UNC5D: variants seen among roughly 807,000 people sequenced by gnomAD.
UNC5D encodes netrin receptor UNC5D.
In UNC5D, 39 loss-of-function variants were observed where a neutral mutation model predicts 105.4. The ratio of observed to expected loss-of-function variants is 0.37; its 90% CI spans 0.29 to 0.48. The LOEUF is 0.48. Among genes scored for constraint, UNC5D ranks in the 20% least tolerant of loss-of-function variants. UNC5D has a pLI of 0.98. For missense variants in UNC5D, 991 were observed against 1,202.4 expected, an observed-to-expected ratio of 0.82 and a Z score of 2.60; for synonymous variants, 452 against 450.4, an observed-to-expected ratio of 1.00 and a Z score of -0.04.
At chr8:35,396,800 A>C (rs532406133) in intron 1 of UNC5D, among the ~76,000 whole-genome samples, 3 of 148,656 alleles carry the variant, frequency 2.0e-5, no homozygotes, top group Non-Finnish European at 4.4e-5. Flanking sequence ...ACCTGGTCCC[A>C]AGGTGGCTTT....
intron 8 of UNC5D, among the ~76,000 whole-genome samples, chr8:35,712,570 A>G (rs1468438009): frequency 6.6e-6 from 1 of 152,232 alleles, no homozygotes; most frequent in African/African-American, 2.4e-5. Flanking sequence ...TCTGAAAAGT[A>G]GGTATGCTCT....
At chr8:35,514,114 T>G (rs1812958530) in intron 1 of UNC5D, among the ~76,000 whole-genome samples, 1 of 152,208 alleles carries the variant, frequency 6.6e-6, no homozygotes, top group Non-Finnish European at 1.5e-5. Flanking sequence ...GCAGAACCCT[T>G]CTACCTGGCG....
intron 8 of UNC5D, among the ~76,000 whole-genome samples, chr8:35,719,580 T>A (rs1828461487): frequency 6.6e-6 from 1 of 152,184 alleles, no homozygotes; most frequent in African/African-American, 2.4e-5. Context: ...CCAGATCTCA[T>A]CACTACCTTG....
chr8:35,486,190 T>C (rs1810810824), intron 1 of UNC5D, among the ~76,000 whole-genome samples: 1 of 152,222 alleles, frequency 6.6e-6, no homozygotes, highest in African/African-American at 2.4e-5. Flanking sequence ...CTAATTAGCA[T>C]GAGTAGATAT....
intron 3 of UNC5D, among the ~76,000 whole-genome samples, chr8:35,587,723 T>A (rs985131548): frequency 1.3e-5 from 2 of 152,010 alleles, no homozygotes; most frequent in African/African-American, 4.8e-5. Context: ...AAACAAGATG[T>A]ACTTCTCTTC....
chr8:35,291,445 C>A (rs764527853), intron 1 of UNC5D, among the ~76,000 whole-genome samples: 3 of 152,210 alleles, frequency 2.0e-5, no homozygotes, highest in Admixed American at 2.0e-4. Context: ...CACATGACAT[C>A]CTTGGTGTCT....
intron 1 of UNC5D, among the ~76,000 whole-genome samples, chr8:35,521,597 G>T (rs180758947): frequency 1.6e-3 from 238 of 152,244 alleles, no homozygotes; most frequent in African/African-American, 5.6e-3. Context: ...AGGCCTCTAG[G>T]CTTCTGCCTT....
chr8:35,540,758 A>C (rs1487871049), intron 1 of UNC5D, among the ~76,000 whole-genome samples: 1 of 152,194 alleles, frequency 6.6e-6, no homozygotes, highest in African/African-American at 2.4e-5. Flanking sequence ...TTTTGGAGAC[A>C]ACTTAAGTGA....
At chr8:35,340,385 C>G (rs1811375682) in intron 1 of UNC5D, among the ~76,000 whole-genome samples, 4 of 152,122 alleles carry the variant, frequency 2.6e-5, no homozygotes, top group Admixed American at 1.3e-4. Flanking sequence ...GCACATGGCT[C>G]TATGTGGACC....
At chr8:35,454,007 C>T (rs1808330358) in intron 1 of UNC5D, among the ~76,000 whole-genome samples, 1 of 152,108 alleles carries the variant, frequency 6.6e-6, no homozygotes, top group African/African-American at 2.4e-5. Context: ...AATATTAATA[C>T]AAGACTTGTT....
At chr8:35,289,166 G>T (rs899637555) in intron 1 of UNC5D, among the ~76,000 whole-genome samples, 4 of 152,094 alleles carry the variant, frequency 2.6e-5, no homozygotes, top group Non-Finnish European at 4.4e-5. Context: ...ATGGAAAATG[G>T]TATTCCATGC....
chr8:35,439,038 T>C (rs1807223070), intron 1 of UNC5D, among the ~76,000 whole-genome samples: 1 of 151,978 alleles, frequency 6.6e-6, no homozygotes, highest in Non-Finnish European at 1.5e-5. Flanking sequence ...TTGATTTTTT[T>C]TTTTCTAAGC....
intron 1 of UNC5D, among the ~76,000 whole-genome samples, chr8:35,240,186 G>A (rs549639186): frequency 6.6e-6 from 1 of 152,252 alleles, no homozygotes; most frequent in African/African-American, 2.4e-5. Flanking sequence ...CTGGGCTCAG[G>A]TGATCCTTCT....
intron 2 of UNC5D, among the ~76,000 whole-genome samples, chr8:35,562,477 A>G (rs890333826): frequency 1.3e-5 from 2 of 152,108 alleles, no homozygotes; most frequent in East Asian, 3.9e-4. Context: ...CTCTGTCTCC[A>G]CATTCTCTCT....
chr8:35,237,696 C>A (rs953388951), intron 1 of UNC5D, among the ~76,000 whole-genome samples: 1 of 152,166 alleles, frequency 6.6e-6, no homozygotes, highest in African/African-American at 2.4e-5. Context: ...TTGCACAGAT[C>A]ATAGTAATAT....
intron 15 of UNC5D, among the ~76,000 whole-genome samples, chr8:35,773,664 A>G (rs1802103923): frequency 6.6e-6 from 1 of 152,128 alleles, no homozygotes; most frequent in South Asian, 2.1e-4. Flanking sequence ...GCTATGCCTG[A>G]GAGCAAAAAC....
intron 4 of UNC5D, among the ~76,000 whole-genome samples, chr8:35,650,737 G>A (rs1194034967): frequency 6.6e-6 from 1 of 152,164 alleles, no homozygotes; most frequent in African/African-American, 2.4e-5. Context: ...CTCCCAAAGT[G>A]CTGGGATTAT....
rs538066949 is a variant in UNC5D at position 35,403,850 on chromosome 8, G to A, written c.104-145442G>A. Among the ~76,000 whole-genome samples, 144 of 152,230 alleles carry A rather than the reference G, an allele frequency of 9.5e-4. 1 individual carries two copies. The highest frequency in any genetic ancestry group is 6.8e-3 in the Middle Eastern group (2 of 294). On this transcript the variant is annotated intron_variant, in intron 1 of 16. Transcript: ENST00000404895. ...AGCTAAATTCAGATAGTCACTCCTG[G>A]AGGAGCAAAATCTGCTGTCTCCTGG... is the stretch of plus-strand genomic sequence containing the variant.
rs201456969 is a variant in UNC5D, at chr8:35,568,250, A to G, written c.466+9A>G. The stretch of plus-strand genomic sequence containing the variant: ...CTCTGTGCGCATAGCCTGTAAGTAC[A>G]TTCTGGGTGACCTTGTCTTGTAGGA... On this transcript the variant is annotated intron_variant, in intron 3 of 16. Coordinates refer to ENST00000404895, the MANE Select transcript of UNC5D (RefSeq NM_080872.4). 3.2e-4 allele frequency: 523 copies of G among 1,612,958 alleles called. 3 individuals are homozygous for G. In the African/African-American group the frequency reaches 5.7e-3, roughly 18 times the overall value.
Sources: allele counts gnomAD v4.1 joint callset (sites outside exome capture counted in the v4.1 genomes callset), GRCh38; gene constraint gnomAD v4.1.1; transcripts MANE v1.5; gene names NCBI Gene and HGNC (gene_info 2026-07-23, HGNC 2026-07-21).